NTRK3: variants seen among roughly 807,000 people sequenced by gnomAD.
NTRK3 encodes NT-3 growth factor receptor.
Under a neutral mutation model 91.7 loss-of-function variants are expected in NTRK3, and 24 were observed. That is an observed-to-expected ratio of 0.26 (90% CI 0.19 to 0.37). The LOEUF (loss-of-function observed/expected upper bound fraction) is 0.37. NTRK3 is among the 10% of genes least tolerant of loss of function. NTRK3 has a pLI of 1.00. For missense variants in NTRK3, 880 were observed against 1,068.9 expected, an observed-to-expected ratio of 0.82 and a Z score of 2.46; for synonymous variants, 483 against 404.0, an observed-to-expected ratio of 1.20 and a Z score of -2.34.
intron 5 of NTRK3, 123 bp from the exon 6 acceptor site, chr15:88,147,526 T>A: frequency 2.7e-6 from 1 of 371,276 alleles, no homozygotes; most frequent in Non-Finnish European, 4.4e-6. Context: ...TTCTTCTTCT[T>A]CTTCTTCTTC....
At chr15:88,253,122 G>C (rs950684812) in intron 3 of NTRK3, 3 of 152,322 alleles carry the variant, frequency 2.0e-5, no homozygotes, top group Non-Finnish European at 4.4e-5. Context: ...CTTCTACCCA[G>C]AGTGTGCCCA....
chr15:88,224,805 G>C (rs1396775319), intron 3 of NTRK3, among the ~76,000 whole-genome samples: 1 of 152,156 alleles, frequency 6.6e-6, no homozygotes, highest in African/African-American at 2.4e-5. Context: ...TTGTTAGGGA[G>C]GCAGCTACAT....
chr15:88,165,508 A>G (rs539706326), intron 5 of NTRK3, among the ~76,000 whole-genome samples: 17 of 152,306 alleles, frequency 1.1e-4, no homozygotes, highest in Admixed American at 8.5e-4. Context: ...GGACTTTTCC[A>G]TAGTCATTAC....
chr15:88,226,475 G>C (rs2050687347), intron 3 of NTRK3, among the ~76,000 whole-genome samples: 1 of 152,154 alleles, frequency 6.6e-6, no homozygotes, highest in Non-Finnish European at 1.5e-5. Context: ...AATGGGGGTG[G>C]GTCTCCAGTT....
intron 17 of NTRK3, among the ~76,000 whole-genome samples, chr15:87,913,612 T>C (rs1389790694): frequency 6.6e-6 from 1 of 152,172 alleles, no homozygotes; most frequent in Non-Finnish European, 1.5e-5. Flanking sequence ...GTACCCTCCC[T>C]GGGGCATGTA....
exon 19 of NTRK3, chr15:87,867,415 C>T (rs568778619): frequency 8.7e-6 from 2 of 229,562 alleles, no homozygotes; most frequent in Non-Finnish European, 1.7e-5. Flanking sequence ...AGATAAACTG[C>T]CATAAAACAA....
chr15:88,178,666 C>A (rs1051711195), intron 5 of NTRK3, among the ~76,000 whole-genome samples: 2 of 152,204 alleles, frequency 1.3e-5, no homozygotes, highest in African/African-American at 4.8e-5. Flanking sequence ...TCTTGGCTTG[C>A]TGGAATCTTA....
At chr15:88,195,767 C>T (rs1365853190) in intron 3 of NTRK3, among the ~76,000 whole-genome samples, 1 of 152,166 alleles carries the variant, frequency 6.6e-6, no homozygotes, top group Non-Finnish European at 1.5e-5. Flanking sequence ...CCCTTACTCC[C>T]CAAGGGGTCT....
chr15:88,050,345 A>G (rs1304525870), intron 13 of NTRK3, among the ~76,000 whole-genome samples: 1 of 152,178 alleles, frequency 6.6e-6, no homozygotes, highest in Admixed American at 6.5e-5. Flanking sequence ...TTAAAAATGG[A>G]TGACTTCTAA....
chr15:88,241,281 G>A lies in NTRK3; in HGVS notation c.248+14625C>T, dbSNP rs2052326123. On this transcript the variant is annotated intron_variant, in intron 3 of 18. Transcript: ENST00000394480. This position sits in a 1 kb window ranked among gnomAD's most constrained non-coding sequence, Gnocchi z 4.3. ...AGCAGGGTGGGGCCTCAAGGTCAGAGCATGCCTGCCCAGACAGCAGGCAAC... is the reference window on the plus strand; with the variant it reads ...AGCAGGGTGGGGCCTCAAGGTCAGAACATGCCTGCCCAGACAGCAGGCAAC... Among the ~76,000 whole-genome samples, 1 of 152,150 alleles carries A rather than the reference G, an allele frequency of 6.6e-6. No individual in the cohort carries two copies. The highest frequency in any genetic ancestry group is 1.5e-5 in the Non-Finnish European group (1 of 68,018).
At position 88,243,242 on chromosome 15, in the gene NTRK3, C is replaced by G. The variant is rs975127023; in HGVS notation, c.248+12664G>C. Reference sequence around the variant, plus strand: ...TGTTATTTCCCTCTCTGTGTCTTATCGCCACATTTGTTCAAATGACTGCCA... The same window carrying G: ...TGTTATTTCCCTCTCTGTGTCTTATGGCCACATTTGTTCAAATGACTGCCA... On this transcript the variant is annotated intron_variant, in intron 3 of 18. Transcript: ENST00000394480. The surrounding 1 kb of genome is among the most constrained non-coding windows in gnomAD (Gnocchi z 4.8). Among the ~76,000 whole-genome samples, 4 of 152,164 alleles carry G rather than the reference C, an allele frequency of 2.6e-5. No individual in the cohort carries two copies. Among genetic ancestry groups the G allele is most frequent in the African/African-American group, 7.2e-5 (3 of 41,432 alleles).
intron 3 of NTRK3, among the ~76,000 whole-genome samples, chr15:88,221,108 C>A (rs916912210): frequency 2.6e-5 from 4 of 152,160 alleles, no homozygotes; most frequent in African/African-American, 9.7e-5. Flanking sequence ...GGACTTCATG[C>A]GGATTAATTT....
intron 3 of NTRK3, among the ~76,000 whole-genome samples, chr15:88,204,244 C>G (rs59509866): frequency 0.062 from 9,508 of 152,218 alleles, 647 homozygotes; most frequent in African/African-American, 0.17. Context: ...TCCCAACAAT[C>G]TAATGCCTTT....
At position 88,183,415 on chromosome 15, in the gene NTRK3, C is replaced by T. The variant is rs774043971; in HGVS notation, c.395+3G>A. 1 of 1,614,052 alleles carries T rather than the reference C, an allele frequency of 6.2e-7. No individual in the cohort carries two copies. The highest frequency in any genetic ancestry group is 8.5e-7 in the Non-Finnish European group (1 of 1,179,950). On this transcript the variant is annotated splice_donor_region_variant and intron_variant, in intron 5 of 18. Transcript: ENST00000394480. Reference sequence around the variant, plus strand: ...CCAATCCCTGCAGCCCAGCTCTACTCACATATAACGCAAATGGGGGTTCTT... The same window carrying T: ...CCAATCCCTGCAGCCCAGCTCTACTTACATATAACGCAAATGGGGGTTCTT...
At chr15:87,927,847 G>A (rs1283048394) in intron 17 of NTRK3, 1 of 152,168 alleles carries the variant, frequency 6.6e-6, no homozygotes, top group Non-Finnish European at 1.5e-5. Flanking sequence ...TATCCCATCT[G>A]CGGTATTTGT....
intron 3 of NTRK3, among the ~76,000 whole-genome samples, chr15:88,254,383 C>A (rs530337400): frequency 2.0e-5 from 3 of 152,250 alleles, no homozygotes; most frequent in East Asian, 3.9e-4. Context: ...TGCTGACCCC[C>A]GCCCCTTGGC....
intron 14 of NTRK3, among the ~76,000 whole-genome samples, chr15:87,953,920 C>T (rs1484769654): frequency 6.6e-6 from 1 of 152,024 alleles, no homozygotes; most frequent in African/African-American, 2.4e-5. Flanking sequence ...TGCCCATCTG[C>T]CCCTCCTCCG....
intron 13 of NTRK3, among the ~76,000 whole-genome samples, chr15:88,085,762 C>T (rs1320813368): frequency 6.6e-6 from 1 of 152,226 alleles, no homozygotes; most frequent in Non-Finnish European, 1.5e-5. Flanking sequence ...GCCAGTCTTG[C>T]CCTATAAAAC....
At chr15:88,126,041 G>A (rs924650040) in intron 13 of NTRK3, among the ~76,000 whole-genome samples, 19 of 152,114 alleles carry the variant, frequency 1.2e-4, no homozygotes, top group African/African-American at 4.3e-4. Context: ...TTTATCAGCA[G>A]TCAAAGCAAA....
Sources: allele counts gnomAD v4.1 joint callset (sites outside exome capture counted in the v4.1 genomes callset), GRCh38; gene constraint gnomAD v4.1.1; non-coding constraint Gnocchi (gnomAD v3.1); transcripts MANE v1.5; gene names NCBI Gene and HGNC (gene_info 2026-07-23, HGNC 2026-07-21).